The following CACNA1D variants were observed in gnomAD, a reference collection of about 807,000 sequenced individuals.
CACNA1D encodes calcium voltage-gated channel subunit alpha1 D.
A neutral mutation model predicts 257.1 loss-of-function variants in CACNA1D; 55 were observed. The ratio of observed to expected loss-of-function variants is 0.21; its 90% confidence interval spans 0.17 to 0.27. The LOEUF (loss-of-function observed/expected upper bound fraction) is 0.27. Among genes scored for constraint, CACNA1D ranks in the 10% least tolerant of loss-of-function variants. The pLI, the probability that CACNA1D is intolerant of heterozygous loss-of-function variation, is 1.00. For missense variants in CACNA1D, 1,876 were observed against 2,784.0 expected (o/e 0.67, Z 7.34); for synonymous variants, 980 against 1,014.9 (o/e 0.97, Z 0.65).
At chr3:53,688,219 C>T (rs1285802184) in intron 8 of CACNA1D, among the ~76,000 whole-genome samples, 1 of 152,180 alleles carries the variant, frequency 6.6e-6, no homozygotes, top group African/African-American at 2.4e-5. Context: ...GGAGGTCCGC[C>T]CAGCTGGGGT....
At chr3:53,525,409 C>A (rs1397652331) in intron 3 of CACNA1D, among the ~76,000 whole-genome samples, 1 of 152,144 alleles carries the variant, frequency 6.6e-6, no homozygotes, top group Non-Finnish European at 1.5e-5. Context: ...AGGGCTAGAT[C>A]AGGACATGAA....
rs1054263404 is a variant in CACNA1D at position 53,495,611 on chromosome 3, G to T, written c.67+378G>T. ...GGAGCCCCCTTGCCAGCCTCTTCTC[G>T]CCTTCCACTCCTCCCCCGCCCCCTC... On this transcript the variant is annotated intron_variant, in intron 1 of 47. Transcript: ENST00000350061. The surrounding 1 kb of genome is among the most constrained non-coding windows in gnomAD (Gnocchi z 5.1). Among the ~76,000 whole-genome samples, 1 of 152,028 alleles carries T rather than the reference G, an allele frequency of 6.6e-6. No individual in the cohort carries two copies. The highest frequency in any genetic ancestry group is 1.5e-5 in the Non-Finnish European group (1 of 67,996).
chr3:53,577,363 G>A (rs1200373189), intron 3 of CACNA1D, among the ~76,000 whole-genome samples: 2 of 152,128 alleles, frequency 1.3e-5, no homozygotes, highest in Non-Finnish European at 2.9e-5. Flanking sequence ...CTCTCAGCAG[G>A]GGTTGTCTCT....
At chr3:53,781,700 G>T (rs754457012) in intron 39 of CACNA1D, 33 bp downstream of exon 39, 2 of 1,410,734 alleles carry the variant, frequency 1.4e-6, no homozygotes, top group African/African-American at 2.8e-5. Context: ...GTAGTCCTTG[G>T]CCAGTGCTTT....
At chr3:53,763,819 A>G (rs527706034) in intron 30 of CACNA1D, among the ~76,000 whole-genome samples, 28 of 152,128 alleles carry the variant, frequency 1.8e-4, no homozygotes, top group Non-Finnish European at 2.5e-4. Flanking sequence ...CCTAGTTCCA[A>G]ACTGACTTGG....
intron 8 of CACNA1D, among the ~76,000 whole-genome samples, chr3:53,676,061 AG>A (rs1281281853): frequency 2.0e-5 from 3 of 152,134 alleles, no homozygotes; most frequent in Non-Finnish European, 4.4e-5. Context: ...TCCAGAGGCG[AG>A]GGGTGCCAGG....
chr3:53,578,406 T>C (rs1332190045), intron 3 of CACNA1D, among the ~76,000 whole-genome samples: 2 of 152,184 alleles, frequency 1.3e-5, no homozygotes, highest in Non-Finnish European at 2.9e-5. Context: ...TGATGCTCAC[T>C]TTATGCCAGG....
At chr3:53,599,162 C>A (rs568461331) in intron 3 of CACNA1D, among the ~76,000 whole-genome samples, 2 of 152,166 alleles carry the variant, frequency 1.3e-5, no homozygotes, top group South Asian at 4.2e-4. Context: ...TTTCATTTTT[C>A]ACATTAGCTT....
At chr3:53,695,427 C>T (rs951170935) in intron 8 of CACNA1D, among the ~76,000 whole-genome samples, 2 of 152,182 alleles carry the variant, frequency 1.3e-5, no homozygotes, top group African/African-American at 4.8e-5. Flanking sequence ...GGGGACCAGC[C>T]TCTCTTCTCC....
chr3:53,646,732 T>C (rs1156242506), intron 3 of CACNA1D, among the ~76,000 whole-genome samples: 1 of 152,196 alleles, frequency 6.6e-6, no homozygotes, highest in Non-Finnish European at 1.5e-5. Context: ...GCATCAAGCC[T>C]CTGTTCACCT....
intron 3 of CACNA1D, among the ~76,000 whole-genome samples, chr3:53,596,667 T>A (rs920483112): frequency 1.3e-5 from 2 of 152,050 alleles, no homozygotes; most frequent in African/African-American, 4.8e-5. Context: ...AGCCAAGGAA[T>A]GTGGGCAGCC....
chr3:53,611,509 G>A (rs574737584), intron 3 of CACNA1D, among the ~76,000 whole-genome samples: 1 of 152,006 alleles, frequency 6.6e-6, no homozygotes, highest in Non-Finnish European at 1.5e-5. Context: ...TTAGTGAGAG[G>A]TTTTCTTTGT....
chr3:53,709,560 T>G (rs952620016), intron 9 of CACNA1D, among the ~76,000 whole-genome samples: 66 of 152,354 alleles, frequency 4.3e-4, no homozygotes, highest in African/African-American at 1.6e-3. Context: ...TGCAGGTGTC[T>G]GTGCTGCCCA....
chr3:53,523,359 G>A (rs1172431068), intron 3 of CACNA1D, among the ~76,000 whole-genome samples: 3 of 152,208 alleles, frequency 2.0e-5, no homozygotes, highest in Admixed American at 6.5e-5. Context: ...ACTGCTCTAT[G>A]TAAAAGGATG....
intron 3 of CACNA1D, among the ~76,000 whole-genome samples, chr3:53,502,883 T>G (rs1419063404): frequency 6.6e-6 from 1 of 152,174 alleles, no homozygotes; most frequent in Non-Finnish European, 1.5e-5. Flanking sequence ...CTCTATTGTT[T>G]TTCTTCTCTT....
chr3:53,783,499 A>G (rs1026164451), intron 39 of CACNA1D, among the ~76,000 whole-genome samples: 9 of 152,174 alleles, frequency 5.9e-5, no homozygotes, highest in Non-Finnish European at 1.5e-5. Context: ...TCTATTCCAC[A>G]ACGGCAGCGA....
At chr3:53,764,050 G>A (rs2095318653) in intron 30 of CACNA1D, among the ~76,000 whole-genome samples, 1 of 152,116 alleles carries the variant, frequency 6.6e-6, no homozygotes, top group African/African-American at 2.4e-5. Context: ...TGTGATTTAA[G>A]CCTCGTCATG....
intron 3 of CACNA1D, among the ~76,000 whole-genome samples, chr3:53,649,403 G>A (rs115418577): frequency 7.4e-4 from 113 of 152,180 alleles, no homozygotes; most frequent in South Asian, 1.5e-3. Context: ...CCTGGAATCC[G>A]TTGTGAAAAG....
At chr3:53,609,367 G>A (rs1418630070) in intron 3 of CACNA1D, among the ~76,000 whole-genome samples, 4 of 138,162 alleles carry the variant, frequency 2.9e-5, no homozygotes, top group African/African-American at 8.1e-5. Context: ...CCGAGATTGC[G>A]CCACTGCACT....
Sources: allele counts gnomAD v4.1 joint callset (sites outside exome capture counted in the v4.1 genomes callset), GRCh38; gene constraint gnomAD v4.1.1; non-coding constraint Gnocchi (gnomAD v3.1); transcripts MANE v1.5; gene names NCBI Gene and HGNC (gene_info 2026-07-23, HGNC 2026-07-21).